Variants in ZNF254 observed in about 807,000 individuals in gnomAD.
ZNF254 encodes zinc finger protein 254, also known as CTD-2017D11.1.
A neutral mutation model predicts 12.4 loss-of-function variants in ZNF254; 10 were observed. The ratio of observed to expected loss-of-function variants is 0.80; its 90% confidence interval spans 0.50 to 1.36. ZNF254 has a LOEUF of 1.36. Among genes scored for constraint, ZNF254 ranks in the 40% most tolerant of loss-of-function variants. The probability of loss-of-function intolerance (pLI) is 0.00; values close to 1 mark genes in which losing one functional copy is unlikely to be tolerated. For missense variants in ZNF254, 996 were observed against 763.9 expected (o/e 1.30, Z -3.58); for synonymous variants, 305 against 253.4 (o/e 1.20, Z -1.93).
intron 2 of ZNF254, among the ~76,000 whole-genome samples, chr19:24,078,207 T>G (rs552934794): frequency 1.3e-5 from 2 of 152,286 alleles, no homozygotes; most frequent in African/African-American, 4.8e-5. Flanking sequence ...ACGGCTGATT[T>G]TTGTATTTTT....
chr19:24,105,680 T>C (rs992135317), intron 1 of ZNF254: 2 of 335,998 alleles, frequency 6.0e-6, no homozygotes, highest in African/African-American at 4.5e-5. Flanking sequence ...TGTATGTTAG[T>C]GTTTATGCCT....
chr19:24,048,470 C>T (rs1024829428), intron 2 of ZNF254, among the ~76,000 whole-genome samples: 1 of 152,180 alleles, frequency 6.6e-6, no homozygotes, highest in African/African-American at 2.4e-5. Flanking sequence ...TTAAGGGGGA[C>T]CAGATGGTTC....
chr19:24,090,710 T>G (rs948308356), intron 1 of ZNF254, among the ~76,000 whole-genome samples: 1 of 152,174 alleles, frequency 6.6e-6, no homozygotes, highest in African/African-American at 2.4e-5. Flanking sequence ...GTGCTGAGAT[T>G]ACAGGCGTGA....
intron 2 of ZNF254, chr19:24,080,096 C>G (rs1971796091): frequency 6.6e-6 from 1 of 152,180 alleles, no homozygotes; most frequent in Admixed American, 6.5e-5. Flanking sequence ...CTATGGGTCC[C>G]CAAACTTCTC....
intron 3 of ZNF254, among the ~76,000 whole-genome samples, chr19:24,122,280 A>T (rs942774224): frequency 1.3e-5 from 2 of 152,006 alleles, no homozygotes; most frequent in Admixed American, 1.3e-4. Context: ...GCTGAAGTGC[A>T]GTGGCACCAT....
chr19:24,086,295 T>C (rs1223377475), upstream of ZNF254, among the ~76,000 whole-genome samples: 1 of 152,100 alleles, frequency 6.6e-6, no homozygotes, highest in East Asian at 1.9e-4. Flanking sequence ...TTTGATGGAC[T>C]TTATTTTTGT....
At chr19:24,111,140 C>A (rs966043853) in intron 3 of ZNF254, among the ~76,000 whole-genome samples, 1 of 136,158 alleles carries the variant, frequency 7.3e-6, no homozygotes, top group African/African-American at 2.7e-5. Context: ...GTGTGATGTT[C>A]CCCTTCCTGT....
intron 1 of ZNF254, among the ~76,000 whole-genome samples, chr19:24,042,808 C>A (rs933124530): frequency 6.6e-6 from 1 of 152,166 alleles, no homozygotes; most frequent in Non-Finnish European, 1.5e-5. Context: ...CCCATCTGTG[C>A]ATTGGCCTCT....
chr19:24,123,326 GATGTGGTTTATCAAGTAAA>G (rs1331638897), intron 3 of ZNF254, among the ~76,000 whole-genome samples: 1 of 152,118 alleles, frequency 6.6e-6, no homozygotes, highest in African/African-American at 2.4e-5. Flanking sequence ...TTTGGCTTAA[GATGTGGTTTATCAAGTAAA>G]ATGTATGAGC....
chr19:24,086,670 T>G (rs1599672468), upstream of ZNF254, among the ~76,000 whole-genome samples: 4 of 151,942 alleles, frequency 2.6e-5, no homozygotes, highest in South Asian at 6.2e-4. Flanking sequence ...AGAGATGAGG[T>G]TTCACCATGA....
At chr19:24,090,586 A>G (rs1305520329) in intron 1 of ZNF254, among the ~76,000 whole-genome samples, 1 of 151,978 alleles carries the variant, frequency 6.6e-6, no homozygotes, top group Non-Finnish European at 1.5e-5. Context: ...ACAGGTGTGC[A>G]CCACCACACT....
intron 2 of ZNF254, among the ~76,000 whole-genome samples, chr19:24,047,839 C>T (rs775798169): frequency 1.3e-4 from 19 of 150,610 alleles, no homozygotes; most frequent in African/African-American, 2.4e-4. Context: ...AGACATGTGC[C>T]GCCACGCCCA....
chr19:24,123,099 T>C (rs1236959548), intron 3 of ZNF254, among the ~76,000 whole-genome samples: 1 of 152,134 alleles, frequency 6.6e-6, no homozygotes, highest in Non-Finnish European at 1.5e-5. Context: ...AAAACATTCA[T>C]TAAGTCTGTC....
chr19:24,033,513 C>A, exon 1 of ZNF254: 1 of 222,006 alleles, frequency 4.5e-6, no homozygotes, highest in South Asian at 4.7e-5. Context: ...CTGCATTCTC[C>A]ACCTCGGGAG....
intron 2 of ZNF254, among the ~76,000 whole-genome samples, chr19:24,081,290 G>A (rs1280358188): frequency 4.6e-5 from 7 of 152,024 alleles, no homozygotes; most frequent in Non-Finnish European, 8.8e-5. Flanking sequence ...CAGGGAAGTC[G>A]TAGCAATTTC....
At position 24,128,035 on chromosome 19, in the gene ZNF254, C is replaced by A. The variant is rs761056172; in HGVS notation, c.*55C>A. The A allele has an allele frequency of 2.1e-6, 3 of 1,453,512 alleles. No homozygotes were observed. Among genetic ancestry groups the A allele is most frequent in the African/African-American group, 1.4e-5 (1 of 70,708 alleles). The allele number at this position is 1,453,512 out of a possible 1,614,324, so 90.0% of individuals were successfully genotyped here. A position where few individuals can be genotyped will look rare whatever the true frequency, so the allele number is the denominator to read the frequency against. ...AATTCTTAATAGATATAAGATTATT[C>A]CTACTGGAGAGAAACTACAAACCTG... On this transcript the variant is annotated 3_prime_UTR_variant, in exon 4 of 4. Coordinates refer to ENST00000357002, the MANE Select transcript of ZNF254 (RefSeq NM_203282.4).
At chr19:24,041,193 G>C (rs1326861937) in intron 1 of ZNF254, among the ~76,000 whole-genome samples, 1 of 152,268 alleles carries the variant, frequency 6.6e-6, no homozygotes, top group Non-Finnish European at 1.5e-5. Context: ...CACCTCCCCT[G>C]CCTGGGCTCC....
intron 3 of ZNF254, among the ~76,000 whole-genome samples, chr19:24,114,868 A>G (rs1973931505): frequency 6.6e-6 from 1 of 152,324 alleles, no homozygotes; most frequent in African/African-American, 2.4e-5. Context: ...GGCAAAGGAC[A>G]TGAACAGACA....
rs1334470291 is a variant in ZNF254, at chr19:24,105,992, A to G, written c.83A>G (p.Gln28Arg). 6.2e-7 allele frequency: 1 copy of G among 1,600,428 alleles called. No homozygotes were observed. Among genetic ancestry groups the G allele is most frequent in the African/African-American group, 1.3e-5 (1 of 74,608 alleles). The change falls in exon 2 of 4, where the codon CAA becomes CGA. Residue 28 changes from glutamine to arginine, a missense_variant. Transcript: ENST00000357002. ...VAIEFSLEEWQHLDIAQQNLY... is the reference protein window; with the variant it reads ...VAIEFSLEEWRHLDIAQQNLY... Reference sequence around the variant, plus strand: ...ATAGAATTCTCTCTGGAGGAGTGGCAACACCTGGACATTGCACAGCAGAAT... The same window carrying G: ...ATAGAATTCTCTCTGGAGGAGTGGCGACACCTGGACATTGCACAGCAGAAT...
Sources: allele counts gnomAD v4.1 joint callset (sites outside exome capture counted in the v4.1 genomes callset), GRCh38; gene constraint gnomAD v4.1.1; transcripts MANE v1.5; gene names NCBI Gene and HGNC (gene_info 2026-07-23, HGNC 2026-07-21).